The following XRRA1 variants were observed in gnomAD, a reference collection of about 807,000 sequenced individuals.
The protein encoded by XRRA1 is X-ray radiation resistance-associated protein 1.
In XRRA1, 69 loss-of-function variants were observed where a neutral mutation model predicts 80.2. The observed-to-expected ratio is 0.86, with a 90% CI of 0.71 to 1.05. XRRA1 has a LOEUF of 1.05. Among genes scored for constraint, XRRA1 ranks in the 50% least tolerant of loss-of-function variants. The probability of loss-of-function intolerance (pLI) is 0.00; values close to 1 mark genes in which losing one functional copy is unlikely to be tolerated. For synonymous variants in XRRA1, 348 were observed against 389.9 expected, an observed-to-expected ratio of 0.89 and a Z score of 1.27; for missense variants, 967 against 976.4, an observed-to-expected ratio of 0.99 and a Z score of 0.13.
Position 74,894,500 on chromosome 11 carries a change from G to A in XRRA1, c.1003+11739C>T, listed in dbSNP as rs1251448124. ...GTTCTGTATGGCTTAGGAGGCCTCA[G>A]GAAACTTACAATCATGGCAGAAAGC... On this transcript the variant is annotated intron_variant, in intron 10 of 18. Transcript: ENST00000684022. 3.9e-5 allele frequency among the ~76,000 whole-genome samples: 6 copies of A among 152,282 alleles called. No homozygotes were observed. In the East Asian group the frequency reaches 1.2e-3, roughly 29 times the overall value.
intron 14 of XRRA1, among the ~76,000 whole-genome samples, 177 bp from the exon 15 acceptor site, chr11:74,848,639 AGTT>A (rs2038953707): frequency 6.6e-6 from 1 of 152,168 alleles, no homozygotes; most frequent in Admixed American, 6.5e-5. Context: ...GCATGATGTA[AGTT>A]GTTTTATTTC....
In XRRA1 at chr11:74,855,141, C is replaced by T. The variant is rs114680504; in HGVS notation, c.1171-3059G>A. Among the ~76,000 whole-genome samples, 796 of 152,244 alleles carry T rather than the reference C, an allele frequency of 5.2e-3. 8 individuals are homozygous for T. Among genetic ancestry groups the T allele is most frequent in the African/African-American group, 0.018 (757 of 41,540 alleles). On this transcript the variant is annotated intron_variant, in intron 12 of 18. Coordinates refer to ENST00000684022, the MANE Select transcript of XRRA1 (RefSeq NM_001378157.1). Reference sequence around the variant, plus strand: ...CAAGGGCAGAGTTAAGTAGTTGCAACAGAGTAAAATATAAAATTCTGCTGC... The same window carrying T: ...CAAGGGCAGAGTTAAGTAGTTGCAATAGAGTAAAATATAAAATTCTGCTGC...
chr11:74,895,880 A>G (rs569573438), intron 10 of XRRA1, among the ~76,000 whole-genome samples: 4 of 152,298 alleles, frequency 2.6e-5, no homozygotes, highest in African/African-American at 9.6e-5. Context: ...ATGGCCCTTG[A>G]TAACCCTAGC....
At chr11:74,925,644 C>T (rs1477761047) in intron 7 of XRRA1, among the ~76,000 whole-genome samples, 1 of 152,170 alleles carries the variant, frequency 6.6e-6, no homozygotes, top group African/African-American at 2.4e-5. Flanking sequence ...GGTAGGTCTG[C>T]TGGATAAATC....
chr11:74,882,127 C>A (rs1022671822), intron 10 of XRRA1, among the ~76,000 whole-genome samples: 3 of 152,126 alleles, frequency 2.0e-5, no homozygotes, highest in Non-Finnish European at 2.9e-5. Context: ...CCATTCTCCC[C>A]ATCACTTTCA....
intron 10 of XRRA1, among the ~76,000 whole-genome samples, chr11:74,894,413 G>A (rs189550451): frequency 3.9e-5 from 6 of 152,178 alleles, no homozygotes; most frequent in East Asian, 1.9e-4. Flanking sequence ...ATGTTAGTCC[G>A]TTCTCACATT....
intron 9 of XRRA1, 53 bp downstream of exon 9, chr11:74,907,092 G>C: frequency 6.2e-7 from 1 of 1,608,902 alleles, no homozygotes; most frequent in Non-Finnish European, 8.5e-7. Flanking sequence ...CTCAGAGTGT[G>C]AGCAAGCCTG....
chr11:74,900,140 G>A (rs1689340313), intron 10 of XRRA1, among the ~76,000 whole-genome samples: 2 of 150,520 alleles, frequency 1.3e-5, no homozygotes, highest in Admixed American at 6.6e-5. Flanking sequence ...ACTCCAGCCT[G>A]GGCAATAAAA....
intron 10 of XRRA1, among the ~76,000 whole-genome samples, chr11:74,905,818 C>G (rs987701399): frequency 3.9e-5 from 6 of 152,082 alleles, no homozygotes; most frequent in Non-Finnish European, 7.3e-5. Flanking sequence ...AGCACCGCTT[C>G]CCCAGAGGTC....
Position 74,859,120 on chromosome 11 carries a change from T to C in XRRA1, c.1170+38A>G, listed in dbSNP as rs377508502. 1.9e-6 allele frequency: 3 copies of C among 1,550,790 alleles called. No individual in the cohort carries two copies. The African/African-American group carries it at 4.2e-5, about 22-fold the overall frequency. ...GCAACTTGCATCCCACCTTCCCATC[T>C]GTGCCCCTGAGTAAACAGGAGAGGA... On this transcript the variant is annotated intron_variant, in intron 12 of 18. Coordinates refer to ENST00000684022, the MANE Select transcript of XRRA1 (RefSeq NM_001378157.1).
chr11:74,931,150 G>GTGTGTGTT (rs1371064496), intron 5 of XRRA1, among the ~76,000 whole-genome samples: 3 of 151,386 alleles, frequency 2.0e-5, no homozygotes, highest in Non-Finnish European at 4.4e-5. Context: ...GTGTGTGTGT[G>GTGTGTGTT]TATCAACTAT....
rs900563022 is a variant in XRRA1 at position 74,930,357 on chromosome 11, A to C, written c.367T>G (p.Phe123Val). 6.4e-7 allele frequency: 1 copy of C among 1,562,888 alleles called. No individual in the cohort carries two copies. Among genetic ancestry groups the C allele is most frequent in the Non-Finnish European group, 8.7e-7 (1 of 1,152,498 alleles). Residue 123 changes from phenylalanine (F) to valine (V), a missense_variant, in exon 6 of 19, where the codon TTC (phenylalanine) becomes GTC (valine). Transcript: ENST00000684022. ...LKFSKAKEND[F>V]KHFHSVIYIN... ...TAAATCACAGAATGAAAATGCTTGA[A>C]GTCATTTTCCTTGGCCTGTAGGAAA...
chr11:74,872,706 G>A (rs967560331), intron 10 of XRRA1, among the ~76,000 whole-genome samples: 17 of 152,120 alleles, frequency 1.1e-4, no homozygotes, highest in African/African-American at 3.6e-4. Context: ...TGGTCCAACA[G>A]GACTGTTGGG....
chr11:74,944,515 C>T (rs1947102188), intron 2 of XRRA1, among the ~76,000 whole-genome samples: 2 of 152,164 alleles, frequency 1.3e-5, no homozygotes, highest in Admixed American at 1.3e-4. Context: ...ATGTTGGTAC[C>T]TCCTTTGGTC....
chr11:74,911,071 G>A (rs1295217639), intron 8 of XRRA1, among the ~76,000 whole-genome samples: 1 of 151,984 alleles, frequency 6.6e-6, no homozygotes, highest in African/African-American at 2.4e-5. Context: ...GCGAAGAGGA[G>A]GCCACCAATA....
At chr11:74,864,077 A>G (rs1202153917) in intron 10 of XRRA1, 3 of 152,208 alleles carry the variant, frequency 2.0e-5, no homozygotes, top group African/African-American at 7.2e-5. Flanking sequence ...AAAATTAACA[A>G]TATAAAAAAG....
Position 74,843,932 on chromosome 11 carries a change from T to C in XRRA1, c.2071A>G (p.Lys691Glu), listed in dbSNP as rs752510779. Residue 691 changes from lysine to glutamate, a missense_variant, in exon 18 of 19, where the codon AAG becomes GAG. Physicochemically the swap from Lys to Glu is moderately conservative, Grantham distance 56. Coordinates refer to ENST00000684022, the MANE Select transcript of XRRA1 (RefSeq NM_001378157.1). ...RAQRIPIPPP[K>E]KTRAQLLDDI... is the part of the protein sequence containing the mutation. The stretch of plus-strand genomic sequence containing the variant: ...TCCAGAAGTTGGGCTCTAGTCTTCT[T>C]TGGGGGTGGAATCGGGATTCTCTGG... 4 of 1,613,676 alleles carry C rather than the reference T, an allele frequency of 2.5e-6. No individual in the cohort carries two copies. The highest frequency in any genetic ancestry group is 2.7e-5 in the African/African-American group (2 of 75,030).
rs1299208343 is a variant in XRRA1, at chr11:74,920,809, A to G, written c.656+405T>C. Among the ~76,000 whole-genome samples the G allele has an allele frequency of 1.3e-5, 2 of 152,236 alleles. 1 individual carries two copies. Among genetic ancestry groups the G allele is most frequent in the Middle Eastern group, 6.3e-3 (2 of 316 alleles). Reference sequence around the variant, plus strand: ...CGAGAATACTGTCTGGCACATTGTAAGTACTACATATGTGTTTTTATTACT... The same window carrying G: ...CGAGAATACTGTCTGGCACATTGTAGGTACTACATATGTGTTTTTATTACT... On this transcript the variant is annotated intron_variant, in intron 8 of 18. Coordinates refer to ENST00000684022, the MANE Select transcript of XRRA1 (RefSeq NM_001378157.1).
chr11:74,871,704 T>C (rs764394147), intron 10 of XRRA1, among the ~76,000 whole-genome samples: 3 of 152,126 alleles, frequency 2.0e-5, no homozygotes, highest in Non-Finnish European at 2.9e-5. Context: ...CTCCCCCAGC[T>C]TCACTCTTAC....
Sources: allele counts gnomAD v4.1 joint callset (sites outside exome capture counted in the v4.1 genomes callset), GRCh38; gene constraint gnomAD v4.1.1; transcripts MANE v1.5; gene names NCBI Gene and HGNC (gene_info 2026-07-23, HGNC 2026-07-21).